Variants in CDH9 observed in about 807,000 individuals in gnomAD.
CDH9 encodes the protein cadherin 9.
In CDH9, 28 loss-of-function variants were observed where a neutral mutation model predicts 70.9. The observed-to-expected ratio is 0.40, with a 90% CI of 0.29 to 0.54. The LOEUF (loss-of-function observed/expected upper bound fraction) is 0.54. CDH9 is among the 20% of genes least tolerant of loss of function. CDH9 has a pLI of 0.59. For synonymous variants in CDH9, 409 were observed against 343.1 expected (o/e 1.19, Z -2.12); for missense variants, 874 against 984.4 (o/e 0.89, Z 1.50).
Position 27,033,057 on chromosome 5 carries a change from G to T in CDH9, c.-50+5406C>A, listed in dbSNP as rs147810310. Among the ~76,000 whole-genome samples the T allele has an allele frequency of 1.7e-3, 250 of 150,890 alleles. 1 individual carries two copies. The South Asian group carries it at 0.022, about 13-fold the overall frequency. ...TCAAGAATTGTGAACATTCAATAAA[G>T]AATAATTATTTCTAGATACAGTTAA... On this transcript the variant is annotated intron_variant, in intron 1 of 11. Coordinates refer to ENST00000231021, the MANE Select transcript of CDH9 (RefSeq NM_016279.4).
chr5:27,010,836 C>A (rs1252670934), intron 1 of CDH9, among the ~76,000 whole-genome samples: 1 of 152,260 alleles, frequency 6.6e-6, no homozygotes, highest in East Asian at 1.9e-4. Flanking sequence ...ACAGACAAAT[C>A]TCAAAACCAC....
At chr5:26,989,508 G>C (rs991479896) in intron 1 of CDH9, among the ~76,000 whole-genome samples, 6 of 146,780 alleles carry the variant, frequency 4.1e-5, no homozygotes, top group South Asian at 2.2e-4. Flanking sequence ...TCTCTTCTCT[G>C]TCTCTCTCTC....
intron 2 of CDH9, among the ~76,000 whole-genome samples, chr5:26,980,092 C>T (rs1428820360): frequency 6.6e-6 from 1 of 151,554 alleles, no homozygotes; most frequent in Non-Finnish European, 1.5e-5. Context: ...GAAACATTTA[C>T]CAAAGTAGTT....
intron 2 of CDH9, among the ~76,000 whole-genome samples, chr5:26,948,070 TCA>T (rs753271601): frequency 2.0e-5 from 3 of 152,152 alleles, no homozygotes; most frequent in African/African-American, 7.2e-5. Context: ...GCTTGGATAT[TCA>T]CAGACTTTTA....
intron 9 of CDH9, 51 bp from the exon 10 acceptor site, chr5:26,886,134 G>A (rs1269868365): frequency 6.5e-7 from 1 of 1,527,106 alleles, no homozygotes; most frequent in South Asian, 1.3e-5. Flanking sequence ...CAATGTTCTT[G>A]TTATTACAAG....
chr5:27,007,678 T>C (rs1267472406), intron 1 of CDH9, among the ~76,000 whole-genome samples: 1 of 152,108 alleles, frequency 6.6e-6, no homozygotes, highest in Non-Finnish European at 1.5e-5. Context: ...AAAACAGTTA[T>C]GGTAAAATAA....
rs1384259706 is a variant in CDH9, at chr5:26,889,484, T to A, written c.1512+352A>T. Among the ~76,000 whole-genome samples, 3 of 152,126 alleles carry A rather than the reference T, an allele frequency of 2.0e-5. No individual in the cohort carries two copies. In the South Asian group the frequency reaches 6.2e-4, roughly 31 times the overall value. ...CATGAAACAATTTCATTTTCATACT[T>A]CAGGTTTTATTTAATGATATATTTT... is the stretch of plus-strand genomic sequence containing the variant. On this transcript the variant is annotated intron_variant, in intron 9 of 11. Coordinates refer to ENST00000231021, the MANE Select transcript of CDH9 (RefSeq NM_016279.4).
At chr5:26,888,050 A>G (rs1281000692) in intron 9 of CDH9, among the ~76,000 whole-genome samples, 1 of 152,176 alleles carries the variant, frequency 6.6e-6, no homozygotes, top group African/African-American at 2.4e-5. Context: ...AGCCCTTGGA[A>G]ACTAATACAG....
rs147997829 is a variant in CDH9, at chr5:26,885,686, C to G, written c.1810G>C (p.Ala604Pro). 6.2e-7 allele frequency: 1 copy of G among 1,613,578 alleles called. No homozygotes were observed. Among genetic ancestry groups the G allele is most frequent in the South Asian group, 1.1e-5 (1 of 91,074 alleles). ...QGNMQSCTAE[A>P]LILSAGLSTG... ...CTCAGGCCGGCTGAAAGGATCAGGG[C>G]TTCTGCGGTGCAGGATTGCATGTTT... Residue 604 changes from alanine to proline, a missense_variant, in exon 11 of 12, where the codon GCC becomes CCC. Physicochemically the swap from Ala to Pro is conservative, Grantham distance 27. Coordinates refer to ENST00000231021, the MANE Select transcript of CDH9 (RefSeq NM_016279.4).
At chr5:26,945,745 T>A (rs1374311364) in intron 2 of CDH9, among the ~76,000 whole-genome samples, 1 of 152,124 alleles carries the variant, frequency 6.6e-6, no homozygotes, top group East Asian at 1.9e-4. Context: ...TCAAAAACTC[T>A]GAATTAAAAA....
chr5:26,936,854 C>T (rs1477544745), intron 2 of CDH9, among the ~76,000 whole-genome samples: 1 of 116,928 alleles, frequency 8.6e-6, no homozygotes, highest in Non-Finnish European at 2.0e-5. Context: ...AGCCTTCACA[C>T]ACACACACGC....
chr5:27,017,131 A>C (rs2112121210), intron 1 of CDH9, among the ~76,000 whole-genome samples: 1 of 151,924 alleles, frequency 6.6e-6, no homozygotes, highest in Admixed American at 6.6e-5. Context: ...ATGTCAAAGT[A>C]CTTTTCAAAA....
chr5:27,029,209 T>G (rs2112133699), intron 1 of CDH9, among the ~76,000 whole-genome samples: 1 of 152,132 alleles, frequency 6.6e-6, no homozygotes, highest in African/African-American at 2.4e-5. Context: ...ATAGCATAAT[T>G]ATTGTGTTAA....
chr5:26,914,010 C>T (rs1741101614), intron 3 of CDH9, among the ~76,000 whole-genome samples: 1 of 151,824 alleles, frequency 6.6e-6, no homozygotes, highest in African/African-American at 2.4e-5. Context: ...TAGGGAAATA[C>T]TTGTTTTTTC....
chr5:26,945,418 T>C (rs889141121), intron 2 of CDH9, among the ~76,000 whole-genome samples: 1 of 152,120 alleles, frequency 6.6e-6, no homozygotes, highest in Non-Finnish European at 1.5e-5. Context: ...AAATAAATAA[T>C]TCATTAGAAA....
At chr5:26,939,587 T>C (rs1253385906) in intron 2 of CDH9, among the ~76,000 whole-genome samples, 2 of 152,074 alleles carry the variant, frequency 1.3e-5, no homozygotes, top group Middle Eastern at 3.4e-3. Context: ...CTAATCGATG[T>C]GTGAATTTAT....
intron 2 of CDH9, among the ~76,000 whole-genome samples, chr5:26,987,091 C>CTCT (rs1742500232): frequency 9.2e-6 from 1 of 108,284 alleles, no homozygotes; most frequent in African/African-American, 3.4e-5. Context: ...CACTTGTATT[C>CTCT]TTTTTTTTTT....
At chr5:26,985,955 G>C (rs1483706357) in intron 2 of CDH9, among the ~76,000 whole-genome samples, 3 of 151,808 alleles carry the variant, frequency 2.0e-5, no homozygotes, top group Admixed American at 6.6e-5. Context: ...GATAAAGAGA[G>C]AGTAAATGCC....
At chr5:26,896,621 T>G (rs1740756347) in intron 7 of CDH9, among the ~76,000 whole-genome samples, 1 of 151,788 alleles carries the variant, frequency 6.6e-6, no homozygotes, top group Admixed American at 6.6e-5. Flanking sequence ...TTGAAACCTA[T>G]AAGAACAAAG....
Sources: allele counts gnomAD v4.1 joint callset (sites outside exome capture counted in the v4.1 genomes callset), GRCh38; gene constraint gnomAD v4.1.1; transcripts MANE v1.5; gene names NCBI Gene and HGNC (gene_info 2026-07-23, HGNC 2026-07-21).